Variants in ASTN2 observed in about 807,000 individuals in gnomAD.
ASTN2 encodes astrotactin-2.
In ASTN2, 54 loss-of-function variants were observed where a neutral mutation model predicts 139.8. The observed-to-expected ratio is 0.39, with a 90% CI of 0.31 to 0.48. The LOEUF is 0.48. ASTN2 is among the 20% of genes least tolerant of loss of function. The pLI, the probability that ASTN2 is intolerant of heterozygous loss-of-function variation, is 0.95. For synonymous variants in ASTN2, 756 were observed against 719.5 expected (o/e 1.05, Z -0.81); for missense variants, 1,565 against 1,725.1 (o/e 0.91, Z 1.64).
At chr9:116,466,122 C>T (rs80144911) in intron 20 of ASTN2, among the ~76,000 whole-genome samples, 5,614 of 152,156 alleles carry the variant, frequency 0.037, 301 homozygotes, top group Admixed American at 0.16. Context: ...TTGCTGTTTG[C>T]GGGGAGGGTG....
intron 13 of ASTN2, among the ~76,000 whole-genome samples, chr9:116,758,969 C>G (rs764863041): frequency 1.3e-5 from 2 of 152,198 alleles, no homozygotes; most frequent in African/African-American, 4.8e-5. Flanking sequence ...TCATGGCTCA[C>G]TGTAACCTCA....
At chr9:116,770,049 A>G (rs772537294) in intron 13 of ASTN2, among the ~76,000 whole-genome samples, 3 of 151,790 alleles carry the variant, frequency 2.0e-5, no homozygotes, top group African/African-American at 4.8e-5. Context: ...TAAATAGTGA[A>G]TGACATAAGA....
At chr9:116,899,867 T>A (rs940131270) in intron 10 of ASTN2, among the ~76,000 whole-genome samples, 74 of 152,264 alleles carry the variant, frequency 4.9e-4, no homozygotes, top group African/African-American at 1.8e-3. Context: ...TTGAGGTATT[T>A]TTTCACATCC....
intron 19 of ASTN2, among the ~76,000 whole-genome samples, chr9:116,551,959 G>T (rs981194180): frequency 6.6e-6 from 1 of 152,178 alleles, no homozygotes; most frequent in African/African-American, 2.4e-5. Flanking sequence ...TATCCATAAT[G>T]ATATGTCCAA....
intron 19 of ASTN2, among the ~76,000 whole-genome samples, chr9:116,558,089 T>A (rs901313783): frequency 2.6e-5 from 4 of 152,192 alleles, no homozygotes; most frequent in African/African-American, 9.7e-5. Context: ...ATATCCTATA[T>A]CATGGGTGCT....
chr9:116,929,560 C>G (rs566746797), intron 10 of ASTN2, among the ~76,000 whole-genome samples: 6 of 152,140 alleles, frequency 3.9e-5, no homozygotes, highest in African/African-American at 1.4e-4. Context: ...ATATTTTGCA[C>G]GTATCTCTCC....
chr9:117,060,968 T>C (rs981401587), intron 5 of ASTN2, among the ~76,000 whole-genome samples: 2 of 151,876 alleles, frequency 1.3e-5, no homozygotes, highest in Non-Finnish European at 2.9e-5. Context: ...ACTAGGAAAA[T>C]TGGCAAATAC....
intron 16 of ASTN2, among the ~76,000 whole-genome samples, chr9:116,656,009 T>G (rs1337202226): frequency 6.6e-6 from 1 of 152,054 alleles, no homozygotes; most frequent in East Asian, 1.9e-4. Context: ...ATTATAGACA[T>G]GAGCCACCGC....
At chr9:116,661,825 G>C (rs1166274895) in intron 16 of ASTN2, among the ~76,000 whole-genome samples, 1 of 151,922 alleles carries the variant, frequency 6.6e-6, no homozygotes, top group Non-Finnish European at 1.5e-5. Context: ...AGAACACTTG[G>C]ACACAGGAAG....
intron 2 of ASTN2, among the ~76,000 whole-genome samples, chr9:117,215,200 C>T (rs1832274436): frequency 6.6e-6 from 1 of 152,128 alleles, no homozygotes; most frequent in African/African-American, 2.4e-5. Flanking sequence ...AGCCTTGCTT[C>T]CTCATCTCTA....
At chr9:116,789,685 G>A (rs1247380057) in intron 13 of ASTN2, among the ~76,000 whole-genome samples, 1 of 152,092 alleles carries the variant, frequency 6.6e-6, no homozygotes, top group Non-Finnish European at 1.5e-5. Flanking sequence ...ACACATGTGT[G>A]GGCTTATTAA....
At chr9:116,534,427 T>C (rs1851516289) in intron 19 of ASTN2, among the ~76,000 whole-genome samples, 1 of 152,234 alleles carries the variant, frequency 6.6e-6, no homozygotes, top group Non-Finnish European at 1.5e-5. Flanking sequence ...TTGCTCTTGC[T>C]TCTCTAGTTC....
At chr9:117,249,613 C>T (rs764625007) in intron 2 of ASTN2, among the ~76,000 whole-genome samples, 20 of 152,058 alleles carry the variant, frequency 1.3e-4, no homozygotes, top group Non-Finnish European at 2.9e-4. Flanking sequence ...TCTTCACCCA[C>T]CACCTTCCCC....
intron 7 of ASTN2, among the ~76,000 whole-genome samples, chr9:116,987,038 C>A (rs1218658155): frequency 2.6e-5 from 4 of 152,204 alleles, no homozygotes; most frequent in South Asian, 2.1e-4. Context: ...AACCCCTCTG[C>A]AAAAATACAG....
intron 11 of ASTN2, among the ~76,000 whole-genome samples, chr9:116,821,786 C>G (rs966616651): frequency 2.6e-5 from 4 of 152,100 alleles, no homozygotes; most frequent in African/African-American, 9.7e-5. Context: ...TCAGCTAGAA[C>G]GCTCTTGTCA....
At chr9:117,087,452 TC>T (rs1828596840) in intron 5 of ASTN2, among the ~76,000 whole-genome samples, 1 of 152,136 alleles carries the variant, frequency 6.6e-6, no homozygotes, top group South Asian at 2.1e-4. Flanking sequence ...GGTCCGGAAC[TC>T]CCAGGCTTAA....
At chr9:116,532,975 A>C (rs1353491298) in intron 19 of ASTN2, among the ~76,000 whole-genome samples, 1 of 152,090 alleles carries the variant, frequency 6.6e-6, no homozygotes, top group African/African-American at 2.4e-5. Context: ...TGCAATATTG[A>C]TTCTTCCTAT....
At chr9:116,677,887 A>G (rs1307901619) in intron 16 of ASTN2, among the ~76,000 whole-genome samples, 1 of 152,150 alleles carries the variant, frequency 6.6e-6, no homozygotes, top group South Asian at 2.1e-4. Flanking sequence ...CAGTAATCCA[A>G]TTAAGAAACT....
chr9:117,209,058 A>G (rs1476908258), intron 3 of ASTN2, among the ~76,000 whole-genome samples: 1 of 152,176 alleles, frequency 6.6e-6, no homozygotes, highest in Non-Finnish European at 1.5e-5. Flanking sequence ...TAGAGCCAAT[A>G]TATTTTTTGA....
Sources: allele counts gnomAD v4.1 joint callset (sites outside exome capture counted in the v4.1 genomes callset), GRCh38; gene constraint gnomAD v4.1.1; transcripts MANE v1.5; gene names NCBI Gene and HGNC (gene_info 2026-07-23, HGNC 2026-07-21).